Variants in MAML3 observed in about 807,000 individuals in gnomAD.
MAML3 encodes mastermind like transcriptional coactivator 3.
MAML3 carries 27 observed loss-of-function variants against 101.9 expected under a neutral mutation model. That is an observed-to-expected ratio of 0.27 (90% confidence interval 0.20 to 0.37). The LOEUF (loss-of-function observed/expected upper bound fraction) is 0.37. Ranked by LOEUF, MAML3 falls within the 10% of genes least tolerant of loss-of-function variation. The pLI, the probability that MAML3 is intolerant of heterozygous loss-of-function variation, is 1.00. For synonymous variants in MAML3, 501 were observed against 555.9 expected (o/e 0.90, Z 1.39); for missense variants, 1,316 against 1,444.9 (o/e 0.91, Z 1.45).
chr4:139,837,109 T>A (rs146625558), intron 2 of MAML3, among the ~76,000 whole-genome samples: 3,234 of 94,098 alleles, frequency 0.034, 131 homozygotes, highest in African/African-American at 0.12. Flanking sequence ...GCAACAAGAA[T>A]GAAACTCTGT....
At chr4:139,913,201 G>C (rs1460760461) in intron 1 of MAML3, among the ~76,000 whole-genome samples, 3 of 152,044 alleles carry the variant, frequency 2.0e-5, no homozygotes, top group Non-Finnish European at 1.5e-5. Context: ...AACCAAGAGG[G>C]GAGAAAAAAA....
chr4:139,849,866 AAAT>A (rs1731515987), intron 2 of MAML3, among the ~76,000 whole-genome samples: 1 of 152,246 alleles, frequency 6.6e-6, no homozygotes, highest in Admixed American at 6.5e-5. Context: ...TTAACATTTT[AAAT>A]AATATTTGGT....
chr4:139,903,282 T>C (rs1047155402), intron 1 of MAML3, among the ~76,000 whole-genome samples: 2 of 152,228 alleles, frequency 1.3e-5, no homozygotes, highest in Non-Finnish European at 2.9e-5. Context: ...GCTTCAGCAA[T>C]GAATTCTGCA....
intron 2 of MAML3, among the ~76,000 whole-genome samples, chr4:139,757,205 G>A (rs1268862549): frequency 6.6e-6 from 1 of 152,048 alleles, no homozygotes; most frequent in Non-Finnish European, 1.5e-5. Flanking sequence ...CATTTCATTG[G>A]TCCAGGCTGT....
intron 2 of MAML3, among the ~76,000 whole-genome samples, chr4:139,791,682 C>T (rs1730418412): frequency 6.6e-6 from 1 of 152,126 alleles, no homozygotes; most frequent in Non-Finnish European, 1.5e-5. Flanking sequence ...ACTCATAATA[C>T]AGGGAAATGT....
rs528379553 is a variant in MAML3 at position 140,011,347 on chromosome 4, T to G, written c.469-120380A>C. Among the ~76,000 whole-genome samples the G allele has an allele frequency of 6.8e-5, 9 of 132,190 alleles. 1 individual carries two copies. In the East Asian group the frequency reaches 1.2e-3, roughly 18 times the overall value. 86.7% of individuals were successfully genotyped at this position (132,190 alleles called of 152,430 possible). A position where few individuals can be genotyped will look rare whatever the true frequency, so the allele number is the denominator to read the frequency against. Reference sequence around the variant, plus strand: ...ACTCAAGGTTTTCTTGTTTTGTTTTTTTTTTTTTGAGACGGAGTCTCCCTC... The same window carrying G: ...ACTCAAGGTTTTCTTGTTTTGTTTTGTTTTTTTTGAGACGGAGTCTCCCTC... On this transcript the variant is annotated intron_variant, in intron 1 of 4. Transcript: ENST00000509479.
At chr4:140,049,756 A>C (rs1560877420) in intron 1 of MAML3, among the ~76,000 whole-genome samples, 1 of 152,096 alleles carries the variant, frequency 6.6e-6, no homozygotes, top group Non-Finnish European at 1.5e-5. Flanking sequence ...AAAATAAGAG[A>C]TAAGATGCAT....
intron 1 of MAML3, among the ~76,000 whole-genome samples, chr4:139,972,735 T>C (rs1480027888): frequency 1.3e-5 from 2 of 152,246 alleles, no homozygotes; most frequent in African/African-American, 4.8e-5. Flanking sequence ...ATGTAAATTA[T>C]ACCTCAATTA....
chr4:140,091,526 A>AAAC (rs1226753051), intron 1 of MAML3, among the ~76,000 whole-genome samples: 8 of 124,470 alleles, frequency 6.4e-5, no homozygotes, highest in African/African-American at 2.2e-4. Context: ...AAACAAAACA[A>AAAC]AACAACAAAA....
At chr4:139,808,733 T>C (rs1268163335) in intron 2 of MAML3, among the ~76,000 whole-genome samples, 1 of 152,236 alleles carries the variant, frequency 6.6e-6, no homozygotes, top group South Asian at 2.1e-4. Flanking sequence ...CAGAATAATT[T>C]ACACGGCCTC....
rs1411713549 is a variant in MAML3 at position 139,879,558 on chromosome 4, A to AAAAAGAG, written c.2079+9792_2079+9798dup. Among the ~76,000 whole-genome samples, 227 of 149,216 alleles carry AAAAAGAG rather than the reference A, an allele frequency of 1.5e-3. 2 individuals are homozygous for AAAAAGAG. The highest frequency in any genetic ancestry group is 5.5e-3 in the African/African-American group (224 of 40,644). On this transcript the variant is annotated intron_variant, in intron 2 of 4. Coordinates refer to ENST00000509479, the MANE Select transcript of MAML3 (RefSeq NM_018717.5). ...AAAAAAAAGAAAAGAAAAGAAAAGA[A>AAAAAGAG]AAAAGAGAAAGAAAATGGTGGTGGT...
At chr4:139,755,970 C>T (rs1038206099) in intron 2 of MAML3, among the ~76,000 whole-genome samples, 8 of 152,176 alleles carry the variant, frequency 5.3e-5, no homozygotes, top group African/African-American at 7.2e-5. Flanking sequence ...GCAGGACTTA[C>T]GTCAAAACAC....
chr4:139,999,147 G>A (rs1010333950), intron 1 of MAML3, among the ~76,000 whole-genome samples: 6 of 152,066 alleles, frequency 3.9e-5, no homozygotes, highest in African/African-American at 1.4e-4. Context: ...TGCTGCATAC[G>A]TGGGCAGCCT....
chr4:140,114,346 GCA>G (rs1476200899), intron 1 of MAML3, among the ~76,000 whole-genome samples: 1 of 152,156 alleles, frequency 6.6e-6, no homozygotes, highest in Non-Finnish European at 1.5e-5. Context: ...ACAGTACCTG[GCA>G]CAGAGGGGCT....
intron 2 of MAML3, among the ~76,000 whole-genome samples, chr4:139,886,534 C>A (rs1226153805): frequency 6.6e-6 from 1 of 152,052 alleles, no homozygotes; most frequent in Non-Finnish European, 1.5e-5. Flanking sequence ...TTTTTCTACA[C>A]ATATTAAAAG....
chr4:139,872,701 C>T (rs1381466950), intron 2 of MAML3, among the ~76,000 whole-genome samples: 2 of 152,020 alleles, frequency 1.3e-5, no homozygotes, highest in Non-Finnish European at 2.9e-5. Flanking sequence ...TGATAAGTGT[C>T]TTAAAATGAA....
intron 2 of MAML3, among the ~76,000 whole-genome samples, chr4:139,741,608 A>G (rs2320533): frequency 0.79 from 119,394 of 151,866 alleles, 47,388 homozygotes; most frequent in Middle Eastern, 0.88. Flanking sequence ...TTAGCTGGGC[A>G]TGGTGGTGTG....
intron 1 of MAML3, among the ~76,000 whole-genome samples, chr4:140,092,118 A>ATATATATATATG (rs1728069922): frequency 7.4e-6 from 1 of 135,346 alleles, no homozygotes; most frequent in African/African-American, 2.7e-5. Flanking sequence ...ATATATATAT[A>ATATATATATATG]CGTATATATA....
intron 1 of MAML3, among the ~76,000 whole-genome samples, chr4:140,012,757 A>T (rs1351003491): frequency 6.6e-6 from 1 of 152,184 alleles, no homozygotes; most frequent in Non-Finnish European, 1.5e-5. Context: ...CTTCATCCTG[A>T]GTCTAATTAT....
Sources: gnomAD v4.1 joint callset for allele counts (sites outside exome capture counted in the v4.1 genomes callset) on GRCh38, gnomAD v4.1.1 for gene constraint, MANE v1.5 for transcripts, NCBI Gene and HGNC (gene_info 2026-07-23, HGNC 2026-07-21) for gene names.